Variants in SSBP2 observed in about 807,000 individuals in gnomAD.
The protein encoded by SSBP2 is single stranded DNA binding protein 2, also known as single-stranded DNA-binding protein 2.
SSBP2 carries 17 observed loss-of-function variants against 61.8 expected under a neutral mutation model. The ratio of observed to expected loss-of-function variants is 0.28; its 90% CI spans 0.19 to 0.41. The LOEUF is 0.41. Ranked by LOEUF, SSBP2 falls within the 10% of genes least tolerant of loss-of-function variation. SSBP2 has a pLI of 1.00. For missense variants in SSBP2, 310 were observed against 458.7 expected (o/e 0.68, Z 2.96); for synonymous variants, 139 against 141.3 (o/e 0.98, Z 0.12).
intron 4 of SSBP2, among the ~76,000 whole-genome samples, chr5:81,597,775 G>A (rs1350452441): frequency 6.8e-5 from 10 of 147,948 alleles, no homozygotes; most frequent in South Asian, 4.3e-4. Context: ...ACCAAACACC[G>A]CATGTTCTCA....
chr5:81,634,230 T>C (rs1747991596), intron 3 of SSBP2, among the ~76,000 whole-genome samples: 1 of 152,234 alleles, frequency 6.6e-6, no homozygotes, highest in Non-Finnish European at 1.5e-5. Flanking sequence ...AGAAATTTGC[T>C]TTCCATAATT....
At chr5:81,554,509 AAC>A (rs1772446506) in intron 4 of SSBP2, among the ~76,000 whole-genome samples, 1 of 151,502 alleles carries the variant, frequency 6.6e-6, no homozygotes, top group African/African-American at 2.4e-5. Flanking sequence ...TTCACATAAA[AAC>A]ACTATGTATA....
intron 1 of SSBP2, among the ~76,000 whole-genome samples, chr5:81,725,683 C>CA (rs1490984975): frequency 1.3e-5 from 2 of 152,130 alleles, no homozygotes; most frequent in Non-Finnish European, 2.9e-5. Flanking sequence ...AGTTATGAAA[C>CA]AGATATACAG....
At chr5:81,730,656 T>C (rs1274055624) in intron 1 of SSBP2, among the ~76,000 whole-genome samples, 1 of 152,232 alleles carries the variant, frequency 6.6e-6, no homozygotes, top group African/African-American at 2.4e-5. Flanking sequence ...ATATAAATTA[T>C]AGGTCATAAT....
chr5:81,729,253 C>T (rs932581228), intron 1 of SSBP2, among the ~76,000 whole-genome samples: 62 of 152,040 alleles, frequency 4.1e-4, no homozygotes, highest in African/African-American at 1.2e-3. Context: ...GTTATATTTG[C>T]GCATAAAAAG....
intron 3 of SSBP2, chr5:81,616,253 C>A (rs1036641189): frequency 7.5e-5 from 11 of 147,588 alleles, no homozygotes; most frequent in Admixed American, 3.4e-4. Flanking sequence ...GCGCACCGTG[C>A]GCGAGCCGAA....
chr5:81,751,134 G>T (rs1172874594), upstream of SSBP2: 23 of 1,361,300 alleles, frequency 1.7e-5, no homozygotes, highest in Non-Finnish European at 2.3e-5. Flanking sequence ...GACCCACGCA[G>T]CCACCCCCAC....
At chr5:81,491,523 T>C (rs1766851335) in intron 5 of SSBP2, among the ~76,000 whole-genome samples, 1 of 152,150 alleles carries the variant, frequency 6.6e-6, no homozygotes, top group Admixed American at 6.6e-5. Context: ...AATGGAACTG[T>C]CTATACCCTC....
At chr5:81,690,667 C>T (rs958749271) in intron 1 of SSBP2, among the ~76,000 whole-genome samples, 1 of 151,974 alleles carries the variant, frequency 6.6e-6, no homozygotes, top group African/African-American at 2.4e-5. Flanking sequence ...TTTGACAGAT[C>T]GTTCAGACAA....
chr5:81,434,835 C>T (rs976501194), intron 15 of SSBP2, among the ~76,000 whole-genome samples: 41 of 152,050 alleles, frequency 2.7e-4, no homozygotes, highest in Non-Finnish European at 4.1e-4. Flanking sequence ...GTGGGAAAAG[C>T]GAGTTAGTGA....
At chr5:81,611,866 A>G (rs1438118875) in intron 4 of SSBP2, among the ~76,000 whole-genome samples, 2 of 152,124 alleles carry the variant, frequency 1.3e-5, no homozygotes, top group South Asian at 4.1e-4. Context: ...TCAGAAATCC[A>G]TATCTATGTA....
Position 81,416,547 on chromosome 5 carries a change from T to C in SSBP2, c.*3957A>G, listed in dbSNP as rs549815400. 4 of 152,306 alleles carry C rather than the reference T, an allele frequency of 2.6e-5. No individual in the cohort carries two copies. Among genetic ancestry groups the C allele is most frequent in the Admixed American group, 6.5e-5 (1 of 15,294 alleles). 9.4% of individuals were successfully genotyped at this position (152,306 alleles called of 1,614,324 possible). On this transcript the variant is annotated 3_prime_UTR_variant, in exon 17 of 17. Coordinates refer to ENST00000320672, the MANE Select transcript of SSBP2 (RefSeq NM_012446.5). ...CATAGTATTAAGGACGGTGGAAAAC[T>C]TCCCCAGCCAAAGGAGCAGTTCTGA...
chr5:81,469,314 C>T lies in SSBP2; in HGVS notation c.571-2273G>A, dbSNP rs1765095193. Reference sequence around the variant, plus strand: ...GTGAATAAAATGAAATATAAAGCACCTATCATAGTACTTAGTGAATTAAAA... The same window carrying T: ...GTGAATAAAATGAAATATAAAGCACTTATCATAGTACTTAGTGAATTAAAA... On this transcript the variant is annotated intron_variant, in intron 8 of 16. Transcript: ENST00000320672. Among the ~76,000 whole-genome samples, 3 of 151,826 alleles carry T rather than the reference C, an allele frequency of 2.0e-5. No individual in the cohort carries two copies. The South Asian group carries it at 6.2e-4, about 31-fold the overall frequency.
intron 1 of SSBP2, among the ~76,000 whole-genome samples, chr5:81,665,118 G>C (rs1751000538): frequency 6.6e-6 from 1 of 152,106 alleles, no homozygotes; most frequent in East Asian, 1.9e-4. Context: ...TAGTTTAATG[G>C]GAAAAGCATT....
At chr5:81,453,307 C>T (rs1763899882) in intron 10 of SSBP2, among the ~76,000 whole-genome samples, 1 of 151,590 alleles carries the variant, frequency 6.6e-6, no homozygotes, top group South Asian at 2.1e-4. Context: ...ACCCTGTCCC[C>T]CCACCCCACC....
chr5:81,597,644 G>A (rs1743905263), intron 4 of SSBP2, among the ~76,000 whole-genome samples: 1 of 152,118 alleles, frequency 6.6e-6, no homozygotes, highest in South Asian at 2.1e-4. Flanking sequence ...TTAAGAAAAT[G>A]TGGCACACAT....
intron 16 of SSBP2, among the ~76,000 whole-genome samples, chr5:81,427,324 T>C (rs1426933851): frequency 6.6e-6 from 1 of 152,194 alleles, no homozygotes; most frequent in Non-Finnish European, 1.5e-5. Context: ...GGCTAAATTT[T>C]TTTTTCAACT....
At chr5:81,507,750 A>G (rs963974747) in intron 5 of SSBP2, among the ~76,000 whole-genome samples, 2 of 152,138 alleles carry the variant, frequency 1.3e-5, no homozygotes, top group Admixed American at 1.3e-4. Flanking sequence ...AGAAACGTCC[A>G]TTGCATTAAT....
At chr5:81,545,719 G>A (rs1416083956) in intron 4 of SSBP2, among the ~76,000 whole-genome samples, 3 of 152,106 alleles carry the variant, frequency 2.0e-5, no homozygotes, top group African/African-American at 7.2e-5. Context: ...ACTAACCCTT[G>A]TATAATACAA....
Sources: allele counts gnomAD v4.1 joint callset (sites outside exome capture counted in the v4.1 genomes callset), GRCh38; gene constraint gnomAD v4.1.1; transcripts MANE v1.5; gene names NCBI Gene and HGNC (gene_info 2026-07-23, HGNC 2026-07-21).